Variants in FAS observed in about 807,000 individuals in gnomAD.
FAS encodes Fas cell surface death receptor.
FAS carries 5 observed loss-of-function variants against 33.2 expected under a neutral mutation model. The ratio of observed to expected loss-of-function variants is 0.15; its 90% CI spans 0.08 to 0.32. The LOEUF (loss-of-function observed/expected upper bound fraction) is 0.32. Among genes scored for constraint, FAS ranks in the 10% least tolerant of loss-of-function variants. FAS has a pLI of 1.00. For missense variants in FAS, 339 were observed against 386.0 expected, an observed-to-expected ratio of 0.88 and a Z score of 1.02; for synonymous variants, 131 against 130.7, an observed-to-expected ratio of 1.00 and a Z score of -0.01.
intron 2 of FAS, among the ~76,000 whole-genome samples, chr10:88,980,502 C>T (rs1846684530): frequency 6.6e-6 from 1 of 152,216 alleles, no homozygotes; most frequent in African/African-American, 2.4e-5. Flanking sequence ...CTTATAATTA[C>T]TCTAATTTGT....
intron 2 of FAS, among the ~76,000 whole-genome samples, chr10:89,003,439 G>T (rs1419047530): frequency 6.6e-6 from 1 of 152,120 alleles, no homozygotes; most frequent in Non-Finnish European, 1.5e-5. Flanking sequence ...GAGAAGACTG[G>T]TCTATTTGGC....
At chr10:88,981,473 G>T (rs1489693247) in intron 2 of FAS, among the ~76,000 whole-genome samples, 1 of 151,962 alleles carries the variant, frequency 6.6e-6, no homozygotes, top group East Asian at 1.9e-4. Context: ...AAAGTTGATA[G>T]TAAATTTCAT....
chr10:88,991,228 G>A (rs1847184384), intron 1 of FAS: 8 of 513,076 alleles, frequency 1.6e-5, no homozygotes, highest in Non-Finnish European at 2.8e-5. Context: ...CGTGGGGTGC[G>A]GACAGGAATT....
chr10:89,003,710 T>C (rs1848062565), intron 2 of FAS, among the ~76,000 whole-genome samples: 1 of 152,194 alleles, frequency 6.6e-6, no homozygotes, highest in African/African-American at 2.4e-5. Flanking sequence ...CCAACAGCTT[T>C]TTTTTTTAAA....
intron 2 of FAS, among the ~76,000 whole-genome samples, chr10:88,981,522 G>A (rs138229191): frequency 1.8e-4 from 28 of 152,222 alleles, no homozygotes; most frequent in African/African-American, 6.3e-4. Flanking sequence ...GGAAAGGAAG[G>A]CAAATTGAAG....
At chr10:88,983,704 T>C (rs1423907347), upstream of FAS, among the ~76,000 whole-genome samples, 2 of 151,856 alleles carry the variant, frequency 1.3e-5, no homozygotes, top group Non-Finnish European at 2.9e-5. Flanking sequence ...TACTGATATC[T>C]TATTTTTGTT....
chr10:88,974,485 G>A (rs1846519940), intron 2 of FAS: 1 of 152,140 alleles, frequency 6.6e-6, no homozygotes, highest in Admixed American at 6.5e-5. Context: ...TTTAAAAAAT[G>A]AATTCCTCTT....
intron 1 of FAS, among the ~76,000 whole-genome samples, chr10:88,995,240 G>C (rs886458690): frequency 4.6e-5 from 7 of 152,092 alleles, no homozygotes; most frequent in African/African-American, 1.7e-4. Flanking sequence ...TCTCAAGCAG[G>C]AACAAATCTT....
At chr10:88,976,447 T>C (rs938126870) in intron 2 of FAS, among the ~76,000 whole-genome samples, 1 of 152,264 alleles carries the variant, frequency 6.6e-6, no homozygotes, top group Non-Finnish European at 1.5e-5. Context: ...TGGTTCATTA[T>C]GAGGATCACG....
intron 2 of FAS, among the ~76,000 whole-genome samples, chr10:88,980,436 T>C (rs1846683091): frequency 6.6e-6 from 1 of 152,150 alleles, no homozygotes; most frequent in Non-Finnish European, 1.5e-5. Context: ...AACTGTGGTG[T>C]CTGGTGAGCC....
intron 1 of FAS, among the ~76,000 whole-genome samples, chr10:88,968,984 G>A (rs762310423): frequency 2.6e-5 from 4 of 151,032 alleles, no homozygotes; most frequent in Non-Finnish European, 5.9e-5. Context: ...CCCCCACCCC[G>A]CAATACTACA....
intron 8 of FAS, among the ~76,000 whole-genome samples, chr10:89,013,616 ATAATCAGCTAGATGTAT>A (rs1308143851): frequency 1.3e-5 from 2 of 152,202 alleles, no homozygotes; most frequent in Non-Finnish European, 2.9e-5. Context: ...CTTTTCCTTC[ATAATCAGCTAGATGTAT>A]TACAGAACTC....
intron 1 of FAS, chr10:89,002,726 A>T (rs774837837): frequency 1.0e-5 from 4 of 393,772 alleles, no homozygotes; most frequent in Non-Finnish European, 1.9e-5. Context: ...TGAGACTTGG[A>T]GAATGTAAGT....
intron 1 of FAS, among the ~76,000 whole-genome samples, chr10:88,964,168 A>G (rs1589410669): frequency 6.6e-6 from 1 of 152,214 alleles, no homozygotes; most frequent in East Asian, 1.9e-4. Context: ...TTTGCATTGT[A>G]TGGGAGGAAA....
chr10:88,986,368 G>A (rs1186655960), upstream of FAS, among the ~76,000 whole-genome samples: 6 of 152,232 alleles, frequency 3.9e-5, no homozygotes, highest in African/African-American at 1.4e-4. Flanking sequence ...GGATTAAGAA[G>A]CCAGGGCCCA....
intron 2 of FAS, among the ~76,000 whole-genome samples, chr10:88,977,291 T>C (rs1198253970): frequency 6.6e-6 from 1 of 151,576 alleles, no homozygotes; most frequent in African/African-American, 2.4e-5. Flanking sequence ...GTTTTTATGG[T>C]TTTAGGTCTA....
At chr10:89,012,168 T>C in intron 7 of FAS, 87 bp downstream of exon 7, 2 of 1,160,452 alleles carry the variant, frequency 1.7e-6, no homozygotes, top group Middle Eastern at 2.1e-4. Flanking sequence ...CTTTTACTTT[T>C]TTGTTTCTTG....
At chr10:88,976,171 A>G (rs919457687) in intron 2 of FAS, among the ~76,000 whole-genome samples, 14 of 152,188 alleles carry the variant, frequency 9.2e-5, no homozygotes, top group Admixed American at 3.3e-4. Flanking sequence ...GGCCACACAT[A>G]AAATACACTA....
chr10:88,987,143 C>T (rs182255045), upstream of FAS, among the ~76,000 whole-genome samples: 2 of 152,244 alleles, frequency 1.3e-5, no homozygotes, highest in East Asian at 1.9e-4. Flanking sequence ...TGGGCTCTGA[C>T]GCCCTCTAGT....
Sources: gnomAD v4.1 joint callset for allele counts (sites outside exome capture counted in the v4.1 genomes callset) on GRCh38, gnomAD v4.1.1 for gene constraint, MANE v1.5 for transcripts, NCBI Gene and HGNC (gene_info 2026-07-23, HGNC 2026-07-21) for gene names.